The following TBL1XR1 variants were observed in gnomAD, a reference collection of about 807,000 sequenced individuals.
The protein encoded by TBL1XR1 is F-box-like/WD repeat-containing protein TBL1XR1.
Under a neutral mutation model 66.9 loss-of-function variants are expected in TBL1XR1, and 5 were observed. The ratio of observed to expected loss-of-function variants is 0.07; its 90% CI spans 0.04 to 0.16. The LOEUF (loss-of-function observed/expected upper bound fraction) is 0.16. Among genes scored for constraint, TBL1XR1 ranks in the 10% least tolerant of loss-of-function variants. TBL1XR1 has a pLI of 1.00. For missense variants in TBL1XR1, 238 were observed against 623.2 expected (o/e 0.38, Z 6.58); for synonymous variants, 210 against 206.0 (o/e 1.02, Z -0.17).
chr3:177,127,914 T>C (rs1727835294), intron 1 of TBL1XR1, among the ~76,000 whole-genome samples: 1 of 152,156 alleles, frequency 6.6e-6, no homozygotes, highest in South Asian at 2.1e-4. Context: ...GTTATCAACG[T>C]ATAATCAAAA....
At position 177,033,409 on chromosome 3, in the gene TBL1XR1, G is replaced by A. The variant is rs545615582; in HGVS notation, c.1251-273C>T. Among the ~76,000 whole-genome samples the A allele has an allele frequency of 4.9e-4, 74 of 152,256 alleles. 3 individuals are homozygous for A. In the South Asian group the frequency reaches 0.015, roughly 32 times the overall value. On this transcript the variant is annotated intron_variant, in intron 13 of 15. Coordinates refer to ENST00000457928, the MANE Select transcript of TBL1XR1 (RefSeq NM_024665.7). ...ACTTAAAGGAATCTCCCAAGTCCAGGAGTAGAAAACGTAAATGTGCTCATT... is the reference window on the plus strand; with the variant it reads ...ACTTAAAGGAATCTCCCAAGTCCAGAAGTAGAAAACGTAAATGTGCTCATT...
intron 1 of TBL1XR1, among the ~76,000 whole-genome samples, chr3:177,134,536 T>C (rs985403267): frequency 3.3e-5 from 5 of 152,228 alleles, no homozygotes; most frequent in African/African-American, 9.6e-5. Flanking sequence ...CAATCAGTTA[T>C]AGGCAAAACA....
At chr3:177,113,049 A>C (rs1725851140) in intron 1 of TBL1XR1, among the ~76,000 whole-genome samples, 1 of 151,376 alleles carries the variant, frequency 6.6e-6, no homozygotes, top group Non-Finnish European at 1.5e-5. Flanking sequence ...AGAACCCAAA[A>C]GTAAATCTAC....
At chr3:177,050,159 T>G (rs774138205) in intron 6 of TBL1XR1, 21 bp from the exon 7 acceptor site, 40 of 1,609,894 alleles carry the variant, frequency 2.5e-5, no homozygotes, top group Non-Finnish European at 3.2e-5. Flanking sequence ...ATGCAATATA[T>G]TTTAGATCCT....
At chr3:177,062,996 T>C (rs1284469562) in intron 3 of TBL1XR1, among the ~76,000 whole-genome samples, 1 of 151,836 alleles carries the variant, frequency 6.6e-6, no homozygotes, top group Admixed American at 6.6e-5. Flanking sequence ...TAGCCAGGCA[T>C]GGTGGTGCAT....
At chr3:177,106,627 A>G (rs1002571418) in intron 1 of TBL1XR1, among the ~76,000 whole-genome samples, 3 of 152,200 alleles carry the variant, frequency 2.0e-5, no homozygotes, top group African/African-American at 7.2e-5. Context: ...AAAATAAGTT[A>G]GGAGAGTGGA....
intron 3 of TBL1XR1, among the ~76,000 whole-genome samples, chr3:177,062,666 A>G (rs538763704): frequency 2.6e-5 from 4 of 152,340 alleles, no homozygotes; most frequent in Admixed American, 6.5e-5. Flanking sequence ...TGTAAAGTCT[A>G]AAACTTTCTA....
chr3:177,131,107 A>T (rs1183760620), intron 1 of TBL1XR1, among the ~76,000 whole-genome samples: 2 of 152,106 alleles, frequency 1.3e-5, no homozygotes, highest in Non-Finnish European at 2.9e-5. Flanking sequence ...CAAATCGGGA[A>T]TCCATGTCAA....
At chr3:177,059,805 A>C (rs1049986113) in intron 3 of TBL1XR1, among the ~76,000 whole-genome samples, 3 of 152,228 alleles carry the variant, frequency 2.0e-5, no homozygotes, top group Admixed American at 6.5e-5. Flanking sequence ...TCAGTGGACT[A>C]GAAGAGGTAG....
chr3:177,049,645 T>A lies in TBL1XR1; in HGVS notation c.702+352A>T, dbSNP rs560605468. On this transcript the variant is annotated intron_variant, in intron 7 of 15. Transcript: ENST00000457928. ...ACTCGGTTGTTATAGATTTAGTATGTTGTTTGTTATTATGGTAAGAATTTT... is the reference window on the plus strand; with the variant it reads ...ACTCGGTTGTTATAGATTTAGTATGATGTTTGTTATTATGGTAAGAATTTT... Among the ~76,000 whole-genome samples, 37 of 152,362 alleles carry A rather than the reference T, an allele frequency of 2.4e-4. No homozygotes were observed. In the South Asian group the frequency reaches 7.5e-3, roughly 31 times the overall value.
At chr3:177,123,392 G>A (rs1727223745) in intron 1 of TBL1XR1, among the ~76,000 whole-genome samples, 1 of 151,936 alleles carries the variant, frequency 6.6e-6, no homozygotes. Context: ...TTCATTTGGA[G>A]CCAATTATTT....
chr3:177,159,813 T>C (rs1053314142), intron 1 of TBL1XR1, among the ~76,000 whole-genome samples: 1 of 151,614 alleles, frequency 6.6e-6, no homozygotes, highest in Non-Finnish European at 1.5e-5. Context: ...GAAGCGATGC[T>C]GGCCCCTGAG....
At chr3:177,054,360 A>G (rs1331244055) in intron 3 of TBL1XR1, among the ~76,000 whole-genome samples, 1 of 152,146 alleles carries the variant, frequency 6.6e-6, no homozygotes, top group Non-Finnish European at 1.5e-5. Context: ...AGAATTAAGG[A>G]ACTTTATTTC....
chr3:177,173,353 G>A (rs946194121), intron 1 of TBL1XR1, among the ~76,000 whole-genome samples: 11 of 152,196 alleles, frequency 7.2e-5, no homozygotes, highest in Non-Finnish European at 1.5e-4. Flanking sequence ...AGCAGGTTGA[G>A]AAGCGAAAAA....
At chr3:177,159,303 T>C (rs1239056179) in intron 1 of TBL1XR1, among the ~76,000 whole-genome samples, 1 of 152,146 alleles carries the variant, frequency 6.6e-6, no homozygotes, top group Non-Finnish European at 1.5e-5. Flanking sequence ...GCTAAAAAGA[T>C]TACCTTAAAA....
At chr3:177,189,790 G>A (rs892530866) in intron 1 of TBL1XR1, among the ~76,000 whole-genome samples, 1 of 152,002 alleles carries the variant, frequency 6.6e-6, no homozygotes, top group African/African-American at 2.4e-5. Context: ...TCTTCTGGTA[G>A]ATAAAACTCA....
rs1712194029 is a variant in TBL1XR1, at chr3:177,020,378, T to C, written c.*5120A>G. 1 of 152,150 alleles carries C rather than the reference T, an allele frequency of 6.6e-6. No homozygotes were observed. The highest frequency in any genetic ancestry group is 2.4e-5 in the African/African-American group (1 of 41,442). The allele number at this position is 152,150 out of a possible 1,614,324, so 9.4% of individuals were successfully genotyped here. A position where few individuals can be genotyped will look rare whatever the true frequency, so the allele number is the denominator to read the frequency against. ...ATGCTCTATTATACTTTAATAAAAA[T>C]AGTAAATAACCCCTTCATTTAAAAA... On this transcript the variant is annotated 3_prime_UTR_variant, in exon 16 of 16. Transcript: ENST00000457928.
At chr3:177,070,439 GA>G (rs1719824215) in intron 2 of TBL1XR1, among the ~76,000 whole-genome samples, 1 of 152,194 alleles carries the variant, frequency 6.6e-6, no homozygotes, top group Non-Finnish European at 1.5e-5. Context: ...AATGCTAAGA[GA>G]TAAGAAGATA....
intron 12 of TBL1XR1, chr3:177,037,809 T>A (rs1715025742): frequency 5.5e-6 from 1 of 183,128 alleles, no homozygotes; most frequent in Non-Finnish European, 1.0e-5. Flanking sequence ...TCCATCCATC[T>A]TCTTATTGGT....
Sources: gnomAD v4.1 joint callset for allele counts (sites outside exome capture counted in the v4.1 genomes callset) on GRCh38, gnomAD v4.1.1 for gene constraint, MANE v1.5 for transcripts, NCBI Gene and HGNC (gene_info 2026-07-23, HGNC 2026-07-21) for gene names.